Variants in CFAP52 observed in about 807,000 individuals in gnomAD.
CFAP52 encodes the protein cilia- and flagella-associated protein 52.
In CFAP52, 57 loss-of-function variants were observed where a neutral mutation model predicts 70.5. The observed-to-expected ratio is 0.81, with a 90% CI of 0.65 to 1.01. CFAP52 has a LOEUF of 1.01. CFAP52 is among the 50% of genes least tolerant of loss of function. The pLI is 0.00. For missense variants in CFAP52, 785 were observed against 788.5 expected (o/e 1.00, Z 0.05); for synonymous variants, 267 against 292.5 (o/e 0.91, Z 0.89).
chr17:9,622,975 TTA>T (rs1284220146), intron 8 of CFAP52, among the ~76,000 whole-genome samples: 1 of 152,206 alleles, frequency 6.6e-6, no homozygotes, highest in Non-Finnish European at 1.5e-5. Context: ...TTTAATGTAG[TTA>T]GTGTCATACA....
At chr17:9,612,174 T>G (rs562573152) in intron 7 of CFAP52, 135 bp from the exon 8 acceptor site, 3 of 1,181,130 alleles carry the variant, frequency 2.5e-6, no homozygotes, top group Non-Finnish European at 3.5e-6. Flanking sequence ...AACTCCTGCC[T>G]TTTCAACTGT....
intron 9 of CFAP52, among the ~76,000 whole-genome samples, chr17:9,631,833 T>A (rs1910556947): frequency 6.6e-6 from 1 of 151,218 alleles, no homozygotes; most frequent in Non-Finnish European, 1.5e-5. Flanking sequence ...AGTGCTGTGA[T>A]CTCGGTTCAC....
intron 9 of CFAP52, among the ~76,000 whole-genome samples, chr17:9,632,245 T>G (rs1032484182): frequency 6.8e-5 from 10 of 147,474 alleles, no homozygotes; most frequent in African/African-American, 1.0e-4. Context: ...GCGAGGCAAG[T>G]TTTTTTTTGT....
chr17:9,621,945 G>A (rs1223056834), intron 8 of CFAP52, among the ~76,000 whole-genome samples: 1 of 150,746 alleles, frequency 6.6e-6, no homozygotes, highest in Non-Finnish European at 1.5e-5. Context: ...CATGGCACAT[G>A]TATACATATG....
At chr17:9,593,378 T>A (rs1252855197) in intron 3 of CFAP52, among the ~76,000 whole-genome samples, 2 of 152,182 alleles carry the variant, frequency 1.3e-5, no homozygotes, top group African/African-American at 4.8e-5. Flanking sequence ...AATTCTCAGA[T>A]CCCACGTACT....
chr17:9,591,455 T>C (rs1908758244), intron 3 of CFAP52, among the ~76,000 whole-genome samples: 1 of 152,256 alleles, frequency 6.6e-6, no homozygotes, highest in Admixed American at 6.5e-5. Flanking sequence ...AGGACATCTA[T>C]GTCCACACAC....
chr17:9,582,203 C>T (rs1205764537), intron 1 of CFAP52, among the ~76,000 whole-genome samples: 1 of 152,186 alleles, frequency 6.6e-6, no homozygotes, highest in Admixed American at 6.5e-5. Context: ...GGCATGTGCG[C>T]ATTCAAGCAT....
At chr17:9,640,893 C>G (rs925935441) in intron 12 of CFAP52, among the ~76,000 whole-genome samples, 3 of 152,188 alleles carry the variant, frequency 2.0e-5, no homozygotes, top group Non-Finnish European at 4.4e-5. Context: ...ACGGGCCCAA[C>G]TCGGCTTCCC....
chr17:9,630,424 T>TA (rs1432437395), intron 9 of CFAP52, among the ~76,000 whole-genome samples: 1 of 138,730 alleles, frequency 7.2e-6, no homozygotes, highest in Non-Finnish European at 1.5e-5. Context: ...CTAATTTTTG[T>TA]AATTTTTTTT....
At chr17:9,639,361 G>A (rs962973534) in intron 12 of CFAP52, among the ~76,000 whole-genome samples, 4 of 151,916 alleles carry the variant, frequency 2.6e-5, no homozygotes, top group Admixed American at 2.6e-4. Flanking sequence ...AACCTGGGAA[G>A]TGGAGGTTGC....
At chr17:9,623,984 CG>C (rs1910145059) in intron 8 of CFAP52, among the ~76,000 whole-genome samples, 1 of 151,946 alleles carries the variant, frequency 6.6e-6, no homozygotes, top group African/African-American at 2.4e-5. Flanking sequence ...AATTCTTGCC[CG>C]ATTATTTTCT....
chr17:9,616,746 C>T (rs1281058500), intron 8 of CFAP52, among the ~76,000 whole-genome samples: 3 of 139,844 alleles, frequency 2.1e-5, no homozygotes, highest in Non-Finnish European at 4.6e-5. Context: ...CACACTGACA[C>T]CTCACACGGC....
In CFAP52 at chr17:9,605,495, T is replaced by C. The variant is rs1040143786; in HGVS notation, c.754-2624T>C. ...GTGGGGAGCTGAGACGAGCAGATCA[T>C]GAGGTCAAGAGATCAAGACCATCCT... On this transcript the variant is annotated intron_variant, in intron 6 of 13. Coordinates refer to ENST00000352665, the MANE Select transcript of CFAP52 (RefSeq NM_145054.5). Among the ~76,000 whole-genome samples, 3 of 151,806 alleles carry C rather than the reference T, an allele frequency of 2.0e-5. No homozygotes were observed. The East Asian group carries it at 5.8e-4, about 29-fold the overall frequency.
intron 4 of CFAP52, 97 bp downstream of exon 4, chr17:9,594,418 G>T: frequency 6.9e-7 from 1 of 1,456,138 alleles, no homozygotes; most frequent in East Asian, 2.4e-5. Flanking sequence ...CACGTCTTTA[G>T]TCCTGGATAA....
At chr17:9,630,987 A>G (rs1397157199) in intron 9 of CFAP52, among the ~76,000 whole-genome samples, 1 of 121,126 alleles carries the variant, frequency 8.3e-6, no homozygotes, top group South Asian at 3.2e-4. Context: ...CTCCATCTCA[A>G]AAAAAAGAAA....
At chr17:9,603,542 A>T (rs1176868167) in intron 6 of CFAP52, among the ~76,000 whole-genome samples, 2 of 152,130 alleles carry the variant, frequency 1.3e-5, no homozygotes, top group Admixed American at 6.6e-5. Flanking sequence ...GGATAGGAAG[A>T]CTCAGTATTG....
At chr17:9,578,119 A>G (rs1908049175) in intron 1 of CFAP52, among the ~76,000 whole-genome samples, 1 of 152,166 alleles carries the variant, frequency 6.6e-6, no homozygotes, top group Non-Finnish European at 1.5e-5. Context: ...ATAAACAAAC[A>G]AACATACATA....
chr17:9,643,079 G>A lies in CFAP52; in HGVS notation c.1744G>A (p.Val582Ile), dbSNP rs764983917. The change falls in exon 14 of 14, where the codon GTT becomes ATT. Residue 582 changes from valine to isoleucine, a missense_variant. Val to Ile is a conservative substitution (Grantham distance 29, BLOSUM62 3). Coordinates refer to ENST00000352665, the MANE Select transcript of CFAP52 (RefSeq NM_145054.5). ...WDYNEGEVTH[V>I]GVGHSGNITR... is the part of the protein sequence containing the mutation. ...TTATAATGAGGGTGAAGTGACTCACGTTGGGGTGGGACACAGTGGCAACAT... is the reference window on the plus strand; with the variant it reads ...TTATAATGAGGGTGAAGTGACTCACATTGGGGTGGGACACAGTGGCAACAT... 2.4e-5 allele frequency: 38 copies of A among 1,612,392 alleles called. No homozygotes were observed. Among genetic ancestry groups the A allele is most frequent in the Non-Finnish European group, 1.7e-5 (20 of 1,179,422 alleles).
chr17:9,607,997 T>TA (rs1384579532), intron 6 of CFAP52, 122 bp from the exon 7 acceptor site: 24 of 678,964 alleles, frequency 3.5e-5, no homozygotes, highest in Non-Finnish European at 5.5e-5. Flanking sequence ...CATTAATATT[T>TA]AAAATTTTTT....
Sources: gnomAD v4.1 joint callset for allele counts (sites outside exome capture counted in the v4.1 genomes callset) on GRCh38, gnomAD v4.1.1 for gene constraint, MANE v1.5 for transcripts, NCBI Gene and HGNC (gene_info 2026-07-23, HGNC 2026-07-21) for gene names.